Variants in GNB4 observed in about 807,000 individuals in gnomAD.
GNB4 encodes the protein G protein subunit beta 4.
Under a neutral mutation model 45.2 loss-of-function variants are expected in GNB4, and 28 were observed. The observed-to-expected ratio is 0.62, with a 90% CI of 0.46 to 0.85. The LOEUF is 0.85. Ranked by LOEUF, GNB4 falls within the 40% of genes least tolerant of loss-of-function variation. The pLI is 0.00. For missense variants in GNB4, 321 were observed against 425.4 expected (o/e 0.75, Z 2.16); for synonymous variants, 132 against 143.7 (o/e 0.92, Z 0.58).
chr3:179,475,462 T>C, the GNB4 span, among the ~76,000 whole-genome samples: 1 of 151,066 alleles, frequency 6.6e-6, no homozygotes, highest in Admixed American at 6.6e-5. Flanking sequence ...TTTTATTTCA[T>C]TTATTTTTTA....
In GNB4 at chr3:179,432,928, G is replaced by A. The variant is rs531057351; in HGVS notation, c.-42-6686C>T. Among the ~76,000 whole-genome samples, 4 of 152,234 alleles carry A rather than the reference G, an allele frequency of 2.6e-5. No individual in the cohort carries two copies. The South Asian group carries it at 6.2e-4, about 24-fold the overall frequency. On this transcript the variant is annotated intron_variant, in intron 1 of 9. Transcript: ENST00000232564. ...AAAATATGGAAAGTGGAGGGGGGGT[G>A]GAAATTGGCAAGACAGTCACCCACT...
chr3:179,506,660 C>T, the GNB4 span, among the ~76,000 whole-genome samples: 1 of 152,148 alleles, frequency 6.6e-6, no homozygotes, highest in African/African-American at 2.4e-5. Context: ...AGAATTCATT[C>T]ACACTGAAGC....
chr3:179,465,315 C>T, the GNB4 span: 4 of 1,418,502 alleles, frequency 2.8e-6, no homozygotes, highest in South Asian at 4.6e-5. Flanking sequence ...ATGAAGAATA[C>T]CATTATGGCC....
chr3:179,412,672 C>G (rs894223392), intron 8 of GNB4, among the ~76,000 whole-genome samples: 2 of 152,020 alleles, frequency 1.3e-5, no homozygotes, highest in African/African-American at 4.8e-5. Flanking sequence ...GATTAGGTCC[C>G]GGGTTGCACT....
chr3:179,455,265 T>C (rs958700114), upstream of GNB4, among the ~76,000 whole-genome samples: 9 of 152,198 alleles, frequency 5.9e-5, no homozygotes, highest in African/African-American at 1.7e-4. Flanking sequence ...CTCTATGTCC[T>C]GTCATTCAGG....
upstream of GNB4, among the ~76,000 whole-genome samples, chr3:179,453,134 C>CT (rs926495330): frequency 1.6e-4 from 24 of 152,084 alleles, no homozygotes; most frequent in South Asian, 2.7e-3. Flanking sequence ...CACATTCTTT[C>CT]TTTTTTTTGT....
chr3:179,430,222 C>T (rs1185162353), intron 1 of GNB4, among the ~76,000 whole-genome samples: 1 of 151,914 alleles, frequency 6.6e-6, no homozygotes, highest in Admixed American at 6.6e-5. Flanking sequence ...AGTAGCTGAG[C>T]CCACAGGTGG....
chr3:179,463,611 C>G, the GNB4 span, among the ~76,000 whole-genome samples: 3 of 152,198 alleles, frequency 2.0e-5, no homozygotes, highest in Admixed American at 2.0e-4. Context: ...TTTGTACCCA[C>G]GTGTTGGATC....
chr3:179,494,198 G>A, the GNB4 span, among the ~76,000 whole-genome samples: 3 of 152,028 alleles, frequency 2.0e-5, no homozygotes, highest in South Asian at 6.2e-4. Flanking sequence ...GTGGCCAAGT[G>A]TAACAAGCAT....
the GNB4 span, among the ~76,000 whole-genome samples, chr3:179,523,548 T>A: frequency 6.6e-6 from 1 of 152,218 alleles, no homozygotes; most frequent in Non-Finnish European, 1.5e-5. Flanking sequence ...CTTGTAAGAC[T>A]TGTCTGGTTT....
At chr3:179,470,585 C>G in the GNB4 span, among the ~76,000 whole-genome samples, 1 of 151,428 alleles carries the variant, frequency 6.6e-6, no homozygotes, top group South Asian at 2.1e-4. Flanking sequence ...CACTCTGTCA[C>G]CTAGGCTGGA....
At chr3:179,415,756 T>C (rs1467991617) in intron 5 of GNB4, among the ~76,000 whole-genome samples, 4 of 152,152 alleles carry the variant, frequency 2.6e-5, no homozygotes. Flanking sequence ...ATTTTTTTTG[T>C]TTTATGAAAA....
At chr3:179,412,851 GAA>G (rs909414337) in intron 8 of GNB4, among the ~76,000 whole-genome samples, 24 of 125,342 alleles carry the variant, frequency 1.9e-4, no homozygotes, top group African/African-American at 6.5e-4. Context: ...CTCCACTTTG[GAA>G]AAAAAAAAAA....
At chr3:179,453,709 G>A (rs911861161), upstream of GNB4, among the ~76,000 whole-genome samples, 1 of 152,118 alleles carries the variant, frequency 6.6e-6, no homozygotes, top group African/African-American at 2.4e-5. Context: ...CAATCTTCCT[G>A]AAAATTTAAT....
chr3:179,508,082 G>C, the GNB4 span, among the ~76,000 whole-genome samples: 1 of 152,200 alleles, frequency 6.6e-6, no homozygotes, highest in African/African-American at 2.4e-5. Context: ...CTGATGCTTT[G>C]TCTTTATACA....
At chr3:179,422,387 G>A (rs1715007010) in intron 2 of GNB4, among the ~76,000 whole-genome samples, 1 of 151,878 alleles carries the variant, frequency 6.6e-6, no homozygotes. Context: ...AGCACTTTGG[G>A]AGGCCGAGGA....
Position 179,410,895 on chromosome 3 carries a change from T to G in GNB4, c.699+2517A>C, listed in dbSNP as rs565372868. ...ATAAATAGCTGTAAGCCAATAAATA[T>G]GACAATGTAGATGATATAGATAAAA... On this transcript the variant is annotated intron_variant, in intron 8 of 9. Coordinates refer to ENST00000232564, the MANE Select transcript of GNB4 (RefSeq NM_021629.4). Among the ~76,000 whole-genome samples the G allele has an allele frequency of 1.2e-4, 19 of 152,220 alleles. 1 individual carries two copies. The highest frequency in any genetic ancestry group is 1.5e-4 in the Non-Finnish European group (10 of 67,990).
intron 1 of GNB4, among the ~76,000 whole-genome samples, chr3:179,444,062 T>G (rs1715659223): frequency 6.6e-6 from 1 of 152,210 alleles, no homozygotes; most frequent in Non-Finnish European, 1.5e-5. Flanking sequence ...TCCCCCCGAT[T>G]CTTCAGCATC....
chr3:179,481,468 C>T, the GNB4 span, among the ~76,000 whole-genome samples: 2 of 152,084 alleles, frequency 1.3e-5, no homozygotes, highest in African/African-American at 4.8e-5. Context: ...AGCCACCATG[C>T]CCATAGCTAA....
Sources: allele counts gnomAD v4.1 joint callset (sites outside exome capture counted in the v4.1 genomes callset), GRCh38; gene constraint gnomAD v4.1.1; transcripts MANE v1.5; gene names NCBI Gene and HGNC (gene_info 2026-07-23, HGNC 2026-07-21).